Variants in KIF26B observed in about 807,000 individuals in gnomAD.
KIF26B encodes kinesin-like protein KIF26B.
In KIF26B, 63 loss-of-function variants were observed where a neutral mutation model predicts 151.2. The observed-to-expected ratio is 0.42, with a 90% CI of 0.34 to 0.51. The LOEUF is 0.51. KIF26B is among the 20% of genes least tolerant of loss of function. The pLI, the probability that KIF26B is intolerant of heterozygous loss-of-function variation, is 0.07. For missense variants in KIF26B, 2,813 were observed against 2,913.6 expected (o/e 0.97, Z 0.79); for synonymous variants, 1,357 against 1,262.1 (o/e 1.08, Z -1.59).
At position 245,503,540 on chromosome 1, in the gene KIF26B, G is replaced by A. The variant is rs1255129478; in HGVS notation, c.1167-37227G>A. Among the ~76,000 whole-genome samples the A allele has an allele frequency of 2.6e-5, 4 of 152,130 alleles. No individual in the cohort carries two copies. In the South Asian group the frequency reaches 8.3e-4, roughly 32 times the overall value. ...TGTTCTGACTATTTGCAACAAAAGA[G>A]CTCTGTTCTCAAATGCCCTGTATGG... On this transcript the variant is annotated intron_variant, in intron 4 of 14. Transcript: ENST00000407071.
At chr1:245,214,691 T>A (rs927777872) in intron 2 of KIF26B, among the ~76,000 whole-genome samples, 1 of 151,840 alleles carries the variant, frequency 6.6e-6, no homozygotes, top group Admixed American at 6.6e-5. Context: ...ATACAAAAAA[T>A]TAGCTGGGCT....
rs1322066855 is a variant in KIF26B, at chr1:245,419,744, C to T, written c.1165C>T (p.Arg389Ter). The T allele has an allele frequency of 1.9e-6, 3 of 1,609,834 alleles. No homozygotes were observed. Among genetic ancestry groups the T allele is most frequent in the Non-Finnish European group, 1.7e-6 (2 of 1,177,968 alleles). Residue 389 changes from arginine to a stop codon, truncating the protein, a stop_gained and splice_region_variant, in exon 4 of 15, where the codon CGA (arginine) becomes TGA (stop). Coordinates refer to ENST00000407071, the MANE Select transcript of KIF26B (RefSeq NM_018012.4). LOFTEE classifies it high-confidence loss of function. ...GTSVAASFFA[R>*]AAQKLNLSSK... ...ATCGGTGGCCGCCTCCTTCTTTGCA[C>T]GGTAAGAGAGCTGTTCAGATCCTTG... is the stretch of plus-strand genomic sequence containing the variant.
At chr1:245,211,054 G>A (rs978334535) in intron 2 of KIF26B, among the ~76,000 whole-genome samples, 2 of 152,156 alleles carry the variant, frequency 1.3e-5, no homozygotes, top group African/African-American at 4.8e-5. Flanking sequence ...GCTTGTATAG[G>A]CCTTGTGTCT....
chr1:245,473,780 A>C (rs1015082011), intron 4 of KIF26B, among the ~76,000 whole-genome samples: 16 of 151,972 alleles, frequency 1.1e-4, no homozygotes, highest in Non-Finnish European at 1.8e-4. Context: ...ACTATGTTCC[A>C]AGGAGGGGCC....
intron 2 of KIF26B, among the ~76,000 whole-genome samples, chr1:245,232,769 C>G (rs943022749): frequency 3.3e-5 from 5 of 152,122 alleles, no homozygotes. Flanking sequence ...AGGCTGGTCT[C>G]GAACTCCCGA....
chr1:245,394,209 G>A (rs80143072), intron 3 of KIF26B, among the ~76,000 whole-genome samples: 29 of 152,248 alleles, frequency 1.9e-4, no homozygotes, highest in Non-Finnish European at 2.5e-4. Context: ...TTTCTCTGTC[G>A]TCGTGAGTTT....
rs2043459126 is a variant in KIF26B at position 245,606,776 on chromosome 1, G to C, written c.1558-875G>C. Among the ~76,000 whole-genome samples, 1 of 152,176 alleles carries C rather than the reference G, an allele frequency of 6.6e-6. No individual in the cohort carries two copies. The highest frequency in any genetic ancestry group is 2.1e-4 in the South Asian group (1 of 4,830). On this transcript the variant is annotated intron_variant, in intron 6 of 14. Coordinates refer to ENST00000407071, the MANE Select transcript of KIF26B (RefSeq NM_018012.4). The surrounding 1 kb of genome is among the most constrained non-coding windows in gnomAD (Gnocchi z 4.6). ...GAAAAGGCAGGTTTTGAAAAGAGGA[G>C]CATGGGACGGGCGCAGTGGCTCACG...
At chr1:245,347,711 C>T (rs769226509) in intron 2 of KIF26B, among the ~76,000 whole-genome samples, 1 of 152,214 alleles carries the variant, frequency 6.6e-6, no homozygotes, top group Non-Finnish European at 1.5e-5. Flanking sequence ...TCTCTTGAAC[C>T]CACTCCATTT....
At chr1:245,335,668 C>T (rs1016404350) in intron 2 of KIF26B, among the ~76,000 whole-genome samples, 18 of 138,198 alleles carry the variant, frequency 1.3e-4, no homozygotes, top group Admixed American at 4.4e-4. Context: ...GGGTCCCACG[C>T]GGGGAAAGAA....
intron 4 of KIF26B, among the ~76,000 whole-genome samples, chr1:245,452,734 T>A (rs1167328414): frequency 6.6e-6 from 1 of 152,204 alleles, no homozygotes; most frequent in African/African-American, 2.4e-5. Context: ...TTACTGGTCA[T>A]TTGAATATCT....
chr1:245,432,013 T>TGCTTG, intron 4 of KIF26B, among the ~76,000 whole-genome samples: 1 of 152,046 alleles, frequency 6.6e-6, no homozygotes, highest in African/African-American at 2.4e-5. Flanking sequence ...TTTGTTCTTC[T>TGCTTG]GCTTGGCTTA....
At chr1:245,304,021 G>A (rs1049505355) in intron 2 of KIF26B, among the ~76,000 whole-genome samples, 3 of 152,218 alleles carry the variant, frequency 2.0e-5, no homozygotes, top group African/African-American at 7.2e-5. Flanking sequence ...CTTCAACGAG[G>A]ATCCCAGGGG....
intron 2 of KIF26B, among the ~76,000 whole-genome samples, chr1:245,160,848 A>T (rs1198163173): frequency 1.3e-5 from 2 of 152,228 alleles, no homozygotes; most frequent in East Asian, 3.9e-4. Flanking sequence ...AAATAGCCGG[A>T]GACCAAGTAA....
chr1:245,482,409 G>C (rs998400647), intron 4 of KIF26B, among the ~76,000 whole-genome samples: 1 of 151,790 alleles, frequency 6.6e-6, no homozygotes, highest in Non-Finnish European at 1.5e-5. Context: ...TTTTAAGTAA[G>C]ACCTTCCAAT....
intron 3 of KIF26B, among the ~76,000 whole-genome samples, chr1:245,387,172 TTTG>T (rs1459529799): frequency 0.01 from 1,492 of 147,284 alleles, 62 homozygotes; most frequent in African/African-American, 0.036. Flanking sequence ...TTTTTTGTTT[TTTG>T]TTTTTTGAGA....
At chr1:245,271,472 C>G (rs1020922800) in intron 2 of KIF26B, among the ~76,000 whole-genome samples, 1 of 151,532 alleles carries the variant, frequency 6.6e-6, no homozygotes, top group Non-Finnish European at 1.5e-5. Flanking sequence ...AATCCATGTA[C>G]ATAGGATGTT....
chr1:245,288,270 G>A (rs995014691), intron 2 of KIF26B, among the ~76,000 whole-genome samples: 1 of 152,150 alleles, frequency 6.6e-6, no homozygotes, highest in Non-Finnish European at 1.5e-5. Flanking sequence ...TATGACTTCT[G>A]TGGGGAGTGA....
intron 2 of KIF26B, among the ~76,000 whole-genome samples, chr1:245,174,113 T>C (rs944590850): frequency 6.6e-6 from 1 of 152,228 alleles, no homozygotes; most frequent in Admixed American, 6.5e-5. Context: ...AAAAAAATGA[T>C]TTATTATCTC....
At position 245,677,891 on chromosome 1, in the gene KIF26B, G is replaced by A. The variant is rs1558265276; in HGVS notation, c.2259-6342G>A. ...ACTTGAGACCTAGGAGACCCTTTGG[G>A]GCAGAATTGCCCTCAGCAGAGCTGG... On this transcript the variant is annotated intron_variant, in intron 10 of 14. Coordinates refer to ENST00000407071, the MANE Select transcript of KIF26B (RefSeq NM_018012.4). Among the ~76,000 whole-genome samples, 6 of 152,234 alleles carry A rather than the reference G, an allele frequency of 3.9e-5. No individual in the cohort carries two copies. In the South Asian group the frequency reaches 1.2e-3, roughly 32 times the overall value.
Sources: allele counts gnomAD v4.1 joint callset (sites outside exome capture counted in the v4.1 genomes callset), GRCh38; gene constraint gnomAD v4.1.1; non-coding constraint Gnocchi (gnomAD v3.1); transcripts MANE v1.5; gene names NCBI Gene and HGNC (gene_info 2026-07-23, HGNC 2026-07-21).